The following PLLP variants were observed in gnomAD, a reference collection of about 807,000 sequenced individuals.
PLLP encodes the protein plasma membrane proteolipid (plasmolipin).
Under a neutral mutation model 19.7 loss-of-function variants are expected in PLLP, and 15 were observed. The observed-to-expected ratio is 0.76, with a 90% CI of 0.51 to 1.17. PLLP has a LOEUF of 1.17. Among genes scored for constraint, PLLP ranks in the 50% most tolerant of loss-of-function variants. The pLI is 0.00. For synonymous variants in PLLP, 111 were observed against 116.3 expected (o/e 0.95, Z 0.29); for missense variants, 255 against 258.3 (o/e 0.99, Z 0.09).
At chr16:57,273,542 G>A (rs1017972949) in intron 1 of PLLP, among the ~76,000 whole-genome samples, 44 of 152,226 alleles carry the variant, frequency 2.9e-4, no homozygotes, top group Admixed American at 2.7e-3. Context: ...CAAAGGGCCT[G>A]GGCCTGGCTT....
intron 1 of PLLP, among the ~76,000 whole-genome samples, chr16:57,280,936 TA>T (rs1163698847): frequency 6.6e-6 from 1 of 152,220 alleles, no homozygotes; most frequent in Non-Finnish European, 1.5e-5. Flanking sequence ...GGAGCCTTTC[TA>T]CCCACCTCCC....
At chr16:57,281,374 G>C (rs1760794816) in intron 1 of PLLP, among the ~76,000 whole-genome samples, 7 of 152,210 alleles carry the variant, frequency 4.6e-5, no homozygotes, top group Admixed American at 4.6e-4. Context: ...CTGATAGATG[G>C]GAGCTACCAT....
At chr16:57,266,052 G>T (rs1379453188) in intron 1 of PLLP, among the ~76,000 whole-genome samples, 1 of 152,048 alleles carries the variant, frequency 6.6e-6, no homozygotes, top group Non-Finnish European at 1.5e-5. Flanking sequence ...AAAAGGATAG[G>T]GAAGGACAGG....
In PLLP at chr16:57,284,501, T is replaced by G; in HGVS notation, c.40A>C (p.Ser14Arg). 1 of 1,410,576 alleles carries G rather than the reference T, an allele frequency of 7.1e-7. No individual in the cohort carries two copies. The highest frequency in any genetic ancestry group is 1.5e-5 in the South Asian group (1 of 64,884). 87.4% of individuals were successfully genotyped at this position (1,410,576 alleles called of 1,614,324 possible). The change falls in exon 1 of 4, where the codon AGT (serine) becomes CGT (arginine). Residue 14 changes from serine to arginine, a missense_variant. Transcript: ENST00000219207. ...GAGGCTTCGGCGCCCTGCGCAGGAC[T>G]GCTGGTCCGCGTGCTAACTTTCGAC... ...FPSKVSTRTS[S>R]PAQGAEASVS...
At chr16:57,263,617 A>G (rs1041265470) in intron 1 of PLLP, among the ~76,000 whole-genome samples, 22 of 152,264 alleles carry the variant, frequency 1.4e-4, no homozygotes, top group African/African-American at 5.1e-4. Context: ...AGACTGTCTC[A>G]GGGTGCAGGC....
chr16:57,280,564 G>A lies in PLLP; in HGVS notation c.135+3842C>T, dbSNP rs188602281. ...TTGTGACATGAATCCATTGGCAAGA[G>A]AAAACAAAACAAAACAAAACAAAGA... On this transcript the variant is annotated intron_variant, in intron 1 of 3. Transcript: ENST00000219207. Among the ~76,000 whole-genome samples the A allele has an allele frequency of 1.4e-4, 21 of 152,136 alleles. No homozygotes were observed. The East Asian group carries it at 4.1e-3, about 29-fold the overall frequency.
chr16:57,259,450 C>A (rs1275500425), intron 2 of PLLP, among the ~76,000 whole-genome samples: 2 of 152,116 alleles, frequency 1.3e-5, no homozygotes, highest in African/African-American at 2.4e-5. Context: ...ACCAAGAGGA[C>A]CAGATATTTC....
At position 57,258,449 on chromosome 16, in the gene PLLP, G is replaced by A; in HGVS notation, c.432+13C>T. 6.2e-7 allele frequency: 1 copy of A among 1,607,370 alleles called. No individual in the cohort carries two copies. Among genetic ancestry groups the A allele is most frequent in the Non-Finnish European group, 8.5e-7 (1 of 1,179,592 alleles). Reference sequence around the variant, plus strand: ...CCTGCAGACCACCAAGGGAGCCTGGGAAGCAGACTCACCGAGGCAGCCGCG... The same window carrying A: ...CCTGCAGACCACCAAGGGAGCCTGGAAAGCAGACTCACCGAGGCAGCCGCG... On this transcript the variant is annotated intron_variant, in intron 3 of 3. Coordinates refer to ENST00000219207, the MANE Select transcript of PLLP (RefSeq NM_015993.3).
At chr16:57,258,308 TG>T (rs1307985434) in intron 3 of PLLP, among the ~76,000 whole-genome samples, 153 bp downstream of exon 3, 2 of 152,172 alleles carry the variant, frequency 1.3e-5, no homozygotes, top group African/African-American at 2.4e-5. Flanking sequence ...TATGGAAGCC[TG>T]GAGGCGGCCC....
rs150604114 is a variant in PLLP at position 57,257,324 on chromosome 16, T to C, written c.433-295A>G. ...AGGGGACACCTAGCAAGGATTTAGT[T>C]CTAAAAAGACAACATTCAAAGGACA... On this transcript the variant is annotated intron_variant, in intron 3 of 3. Transcript: ENST00000219207. 2.6e-3 allele frequency among the ~76,000 whole-genome samples: 402 copies of C among 152,190 alleles called. 2 individuals carry two copies. Among genetic ancestry groups the C allele is most frequent in the African/African-American group, 9.4e-3 (390 of 41,522 alleles).
rs1167907106 is a variant in PLLP, at chr16:57,256,869, C to T, written c.*44G>A. On this transcript the variant is annotated 3_prime_UTR_variant, in exon 4 of 4. Coordinates refer to ENST00000219207, the MANE Select transcript of PLLP (RefSeq NM_015993.3). ...TTGCAGGGTGACCCTGCTCTGTGAC[C>T]CAGCGGCGGCTTCAGCCCCAGAGGG... 1.5e-6 allele frequency: 2 copies of T among 1,339,934 alleles called. No individual in the cohort carries two copies. Among genetic ancestry groups the T allele is most frequent in the Non-Finnish European group, 2.1e-6 (2 of 935,412 alleles). The allele number at this position is 1,339,934 out of a possible 1,614,324, so 83.0% of individuals were successfully genotyped here.
intron 1 of PLLP, among the ~76,000 whole-genome samples, chr16:57,274,705 G>A (rs1292662510): frequency 4.0e-5 from 6 of 151,286 alleles, no homozygotes; most frequent in African/African-American, 9.7e-5. Flanking sequence ...TGCCTGCCTC[G>A]GCCTCCCAAA....
intron 1 of PLLP, among the ~76,000 whole-genome samples, chr16:57,262,802 T>C (rs1243816730): frequency 2.6e-5 from 4 of 152,112 alleles, no homozygotes; most frequent in African/African-American, 9.7e-5. Flanking sequence ...ACCGGGGCCC[T>C]GCCCTGCACT....
chr16:57,266,369 G>A lies in PLLP; in HGVS notation c.136-4299C>T, dbSNP rs202154866. 6.2e-3 allele frequency among the ~76,000 whole-genome samples: 948 copies of A among 152,334 alleles called. 5 individuals are homozygous for A. Among genetic ancestry groups the A allele is most frequent in the Non-Finnish European group, 9.9e-3 (673 of 68,034 alleles). On this transcript the variant is annotated intron_variant, in intron 1 of 3. Coordinates refer to ENST00000219207, the MANE Select transcript of PLLP (RefSeq NM_015993.3). ...GCCTCGGTTTCTGCCCTAGAACAAG[G>A]AAGGTTCGTTCCTGCATTTGAACCA...
At chr16:57,281,635 C>G (rs182495317) in intron 1 of PLLP, among the ~76,000 whole-genome samples, 2 of 151,914 alleles carry the variant, frequency 1.3e-5, no homozygotes, top group South Asian at 2.1e-4. Context: ...CTCAGCCTCC[C>G]GAGTAGCTGG....
intron 3 of PLLP, 36 bp from the exon 4 acceptor site, chr16:57,257,065 G>T (rs367832925): frequency 1.4e-6 from 2 of 1,448,374 alleles, no homozygotes; most frequent in Admixed American, 1.7e-5. Flanking sequence ...AGGACCGAGA[G>T]GGTGACAGTG....
chr16:57,276,627 A>G (rs1216395056), intron 1 of PLLP, among the ~76,000 whole-genome samples: 2 of 151,966 alleles, frequency 1.3e-5, no homozygotes, highest in East Asian at 1.9e-4. Context: ...AGAAATGAAA[A>G]TAACACTACA....
intron 1 of PLLP, among the ~76,000 whole-genome samples, chr16:57,277,667 A>C (rs1901170052): frequency 6.6e-6 from 1 of 152,240 alleles, no homozygotes; most frequent in African/African-American, 2.4e-5. Context: ...CTTGCTGTGC[A>C]CTGATACAGA....
At chr16:57,275,118 CACACACACACAT>C (rs762404580) in intron 1 of PLLP, among the ~76,000 whole-genome samples, 185 of 124,064 alleles carry the variant, frequency 1.5e-3, no homozygotes, top group Middle Eastern at 7.8e-3. Flanking sequence ...CACACACACA[CACACACACACAT>C]GCATTTCAGA....
Sources: allele counts gnomAD v4.1 joint callset (sites outside exome capture counted in the v4.1 genomes callset), GRCh38; gene constraint gnomAD v4.1.1; transcripts MANE v1.5; gene names NCBI Gene and HGNC (gene_info 2026-07-23, HGNC 2026-07-21).